PDIA6: variants seen among roughly 807,000 people sequenced by gnomAD.
The protein encoded by PDIA6 is protein disulfide-isomerase A6.
A neutral mutation model predicts 58.4 loss-of-function variants in PDIA6; 29 were observed. That is an observed-to-expected ratio of 0.50 (90% CI 0.37 to 0.68). PDIA6 has a LOEUF of 0.68. PDIA6 is among the 30% of genes least tolerant of loss of function. The pLI is 0.00. For missense variants in PDIA6, 480 were observed against 551.0 expected (o/e 0.87, Z 1.29); for synonymous variants, 192 against 202.6 (o/e 0.95, Z 0.44).
chr2:10,836,505 GC>G (rs1162710983), upstream of PDIA6, among the ~76,000 whole-genome samples: 4 of 151,118 alleles, frequency 2.6e-5, no homozygotes, highest in Non-Finnish European at 5.9e-5. Flanking sequence ...GAGCCACTGT[GC>G]CCGGCCTTCT....
At chr2:10,834,139 C>G (rs1667770571), upstream of PDIA6, among the ~76,000 whole-genome samples, 1 of 152,272 alleles carries the variant, frequency 6.6e-6, no homozygotes, top group Non-Finnish European at 1.5e-5. Flanking sequence ...GGAAAGATCC[C>G]AGTGAATTTG....
intron 1 of PDIA6, among the ~76,000 whole-genome samples, chr2:10,824,493 G>A (rs1667495344): frequency 6.6e-6 from 1 of 152,268 alleles, no homozygotes; most frequent in African/African-American, 2.4e-5. Flanking sequence ...ACTAAGCCAA[G>A]TGGCCAGTGG....
At chr2:10,812,230 G>A (rs1045142684) in intron 1 of PDIA6, among the ~76,000 whole-genome samples, 1 of 152,078 alleles carries the variant, frequency 6.6e-6, no homozygotes. Flanking sequence ...GTTTTTAAAA[G>A]TAGGAGCTGC....
intron 2 of PDIA6, among the ~76,000 whole-genome samples, chr2:10,799,785 A>G (rs1615421): frequency 0.57 from 86,548 of 151,766 alleles, 24,792 homozygotes; most frequent in Middle Eastern, 0.6. Context: ...TTTGATCTGC[A>G]CATACATCAT....
chr2:10,799,633 T>C (rs1666417767), intron 2 of PDIA6, among the ~76,000 whole-genome samples: 1 of 152,236 alleles, frequency 6.6e-6, no homozygotes, highest in Non-Finnish European at 1.5e-5. Context: ...TTCTACATAT[T>C]TACATACAGT....
chr2:10,784,888 G>C (rs777727859), intron 12 of PDIA6, 46 bp downstream of exon 12: 1 of 1,358,712 alleles, frequency 7.4e-7, no homozygotes, highest in East Asian at 2.5e-5. Context: ...GCTCAAGAGA[G>C]TAAACCAGGA....
At chr2:10,816,829 G>A (rs564767328), upstream of PDIA6, among the ~76,000 whole-genome samples, 29 of 152,298 alleles carry the variant, frequency 1.9e-4, no homozygotes, top group African/African-American at 6.7e-4. Context: ...TTTGTTGGGG[G>A]CGGAGGGTGG....
At chr2:10,835,869 A>G (rs958733304), upstream of PDIA6, among the ~76,000 whole-genome samples, 2 of 152,144 alleles carry the variant, frequency 1.3e-5, no homozygotes, top group African/African-American at 4.8e-5. Flanking sequence ...TGGGCAACAT[A>G]GTGAAATCCC....
intron 2 of PDIA6, among the ~76,000 whole-genome samples, chr2:10,799,912 GA>G (rs11350460): frequency 0.24 from 24,387 of 103,140 alleles, 2,095 homozygotes; most frequent in East Asian, 0.42. Context: ...GGAAAAAAAA[GA>G]AAAAAAAAAA....
chr2:10,834,353 A>T (rs545108952), upstream of PDIA6, among the ~76,000 whole-genome samples: 35 of 152,332 alleles, frequency 2.3e-4, no homozygotes, highest in Admixed American at 3.9e-4. Flanking sequence ...TGGAGAGGGA[A>T]CATTCTGGAC....
intron 5 of PDIA6, 142 bp from the exon 6 acceptor site, chr2:10,792,067 A>G (rs1325091590): frequency 1.2e-5 from 11 of 893,588 alleles, no homozygotes; most frequent in Non-Finnish European, 1.4e-5. Context: ...GGTTGTATTC[A>G]AATTGGGTAC....
chr2:10,806,828 G>C (rs1666788218), intron 1 of PDIA6, among the ~76,000 whole-genome samples: 2 of 151,988 alleles, frequency 1.3e-5, no homozygotes, highest in African/African-American at 4.8e-5. Flanking sequence ...TTGCCATTGT[G>C]TTACAACTGC....
upstream of PDIA6, among the ~76,000 whole-genome samples, chr2:10,814,514 C>A (rs778964207): frequency 6.6e-6 from 1 of 152,182 alleles, no homozygotes; most frequent in African/African-American, 2.4e-5. Context: ...CCCTGAAGGG[C>A]GCCTGAGGGG....
chr2:10,804,226 C>T (rs972276758), intron 1 of PDIA6, among the ~76,000 whole-genome samples: 1 of 149,234 alleles, frequency 6.7e-6, no homozygotes, highest in African/African-American at 2.5e-5. Flanking sequence ...TAGTTTTTGA[C>T]AAAAAAGTTT....
chr2:10,795,541 C>T (rs1054019546), intron 4 of PDIA6, among the ~76,000 whole-genome samples: 29 of 152,148 alleles, frequency 1.9e-4, no homozygotes, highest in Non-Finnish European at 3.8e-4. Flanking sequence ...TTGCCAACGA[C>T]ACATATTTGC....
At chr2:10,802,422 A>C in intron 2 of PDIA6, 77 bp downstream of exon 2, 1 of 957,708 alleles carries the variant, frequency 1.0e-6, no homozygotes, top group South Asian at 3.8e-5. Context: ...GTCTTAATAA[A>C]ATCAGATTTT....
chr2:10,802,410 A>T, intron 2 of PDIA6, 89 bp downstream of exon 2: 1 of 768,994 alleles, frequency 1.3e-6, no homozygotes, highest in Non-Finnish European at 1.9e-6. Context: ...GCTAAACTAG[A>T]TGTCTTAATA....
Position 10,784,969 on chromosome 2 carries a change from C to A in PDIA6, c.1219G>T (p.Val407Phe), listed in dbSNP as rs147882132. 242 of 1,592,842 alleles carry A rather than the reference C, an allele frequency of 1.5e-4. No homozygotes were observed. In the African/African-American group the frequency reaches 2.7e-3, roughly 18 times the overall value. The change falls in exon 12 of 13, where the codon GTT becomes TTT. Residue 407 changes from valine to phenylalanine, a missense_variant. Transcript: ENST00000272227. ...PVGGGAFPTI[V>F]EREPWDGRDG... is the part of the protein sequence containing the mutation. ...CTGCCGTCCCAAGGCTCTCTCTCAACGATGGTAGGGAAAGCCCCGCCTCCT... is the reference window on the plus strand; with the variant it reads ...CTGCCGTCCCAAGGCTCTCTCTCAAAGATGGTAGGGAAAGCCCCGCCTCCT...
chr2:10,816,609 G>A (rs920520800), upstream of PDIA6, among the ~76,000 whole-genome samples: 2 of 148,936 alleles, frequency 1.3e-5, no homozygotes, highest in African/African-American at 5.0e-5. Flanking sequence ...TTTCATTTAG[G>A]TTTATCTGAA....
Sources: gnomAD v4.1 joint callset for allele counts (sites outside exome capture counted in the v4.1 genomes callset) on GRCh38, gnomAD v4.1.1 for gene constraint, MANE v1.5 for transcripts, NCBI Gene and HGNC (gene_info 2026-07-23, HGNC 2026-07-21) for gene names.